Variants in COL27A1 observed in about 807,000 individuals in gnomAD.
The protein encoded by COL27A1 is collagen alpha-1(XXVII) chain.
A neutral mutation model predicts 251.3 loss-of-function variants in COL27A1; 106 were observed. The ratio of observed to expected loss-of-function variants is 0.42; its 90% CI spans 0.36 to 0.50. The LOEUF (loss-of-function observed/expected upper bound fraction) is 0.50. COL27A1 is among the 20% of genes least tolerant of loss of function. COL27A1 has a pLI of 0.00. For synonymous variants in COL27A1, 1,000 were observed against 986.3 expected (o/e 1.01, Z -0.26); for missense variants, 2,325 against 2,522.8 (o/e 0.92, Z 1.68).
chr9:114,205,795 G>A lies in COL27A1; in HGVS notation c.2206G>A (p.Gly736Ser). 2.5e-6 allele frequency: 4 copies of A among 1,613,640 alleles called. No individual in the cohort carries two copies. Among genetic ancestry groups the A allele is most frequent in the Non-Finnish European group, 3.4e-6 (4 of 1,179,788 alleles). ...PGPEGSPGAK[G>S]YPGRQGLPGP... is the part of the protein sequence containing the mutation. ...ACCTGAGGGCAGCCCAGGGGCCAAA[G>A]GTTACCCTGGCAGGCAGGTGCAGTA... The change falls in exon 9 of 61, where the codon GGT becomes AGT. Residue 736 changes from glycine (G) to serine (S), a missense_variant. Transcript: ENST00000356083.
chr9:114,154,727 G>C (rs143601047), upstream of COL27A1, among the ~76,000 whole-genome samples: 2 of 152,146 alleles, frequency 1.3e-5, no homozygotes, highest in Non-Finnish European at 2.9e-5. The surrounding 1 kb of genome is among the most constrained non-coding windows in gnomAD (Gnocchi z 5.8). Flanking sequence ...TCCCAGAATG[G>C]GACCGTGTGT....
chr9:114,256,035 A>G (rs1216683192), intron 27 of COL27A1, among the ~76,000 whole-genome samples: 2 of 152,198 alleles, frequency 1.3e-5, no homozygotes, highest in African/African-American at 4.8e-5. Flanking sequence ...ATGAATGGTG[A>G]TAACTATTTG....
chr9:114,272,625 A>G (rs1835223269), intron 36 of COL27A1: 1 of 152,228 alleles, frequency 6.6e-6, no homozygotes, highest in South Asian at 2.1e-4. Context: ...GACAGTGATG[A>G]TGGTGGTGGT....
chr9:114,208,968 T>C (rs1057367070), intron 10 of COL27A1, among the ~76,000 whole-genome samples: 3 of 151,994 alleles, frequency 2.0e-5, no homozygotes, highest in Admixed American at 6.5e-5. Flanking sequence ...AGCCCCAGAA[T>C]GGTGACGAGC....
chr9:114,170,521 C>T (rs184738893), intron 3 of COL27A1, among the ~76,000 whole-genome samples: 149 of 152,314 alleles, frequency 9.8e-4, no homozygotes, highest in Admixed American at 2.5e-3. Flanking sequence ...GGGCTCCCTA[C>T]AATGTGGAGA....
At chr9:114,260,962 A>T (rs1378089820) in intron 28 of COL27A1, among the ~76,000 whole-genome samples, 1 of 152,086 alleles carries the variant, frequency 6.6e-6, no homozygotes, top group East Asian at 1.9e-4. Context: ...AGCTTAGCAG[A>T]CCTTACCCAA....
chr9:114,292,331 C>T, intron 49 of COL27A1, 121 bp downstream of exon 49: 1 of 772,176 alleles, frequency 1.3e-6, no homozygotes, highest in Non-Finnish European at 2.1e-6. Flanking sequence ...ACCCAGAAGC[C>T]ACCTCCTTGC....
Position 114,245,724 on chromosome 9 carries a change from G to T in COL27A1, c.2935-142G>T, listed in dbSNP as rs552796472. 4.7e-5 allele frequency: 36 copies of T among 772,686 alleles called. No homozygotes were observed. In the African/African-American group the frequency reaches 6.1e-4, roughly 13 times the overall value. 47.9% of individuals were successfully genotyped at this position (772,686 alleles called of 1,614,324 possible). A position where few individuals can be genotyped will look rare whatever the true frequency, so the allele number is the denominator to read the frequency against. On this transcript the variant is annotated intron_variant, in intron 23 of 60. Coordinates refer to ENST00000356083, the MANE Select transcript of COL27A1 (RefSeq NM_032888.4). Reference sequence around the variant, plus strand: ...CTTTGACTCTGCCCATTTGTTGGGGGTCTCCAAGGCCACACACTGGAGATA... The same window carrying T: ...CTTTGACTCTGCCCATTTGTTGGGGTTCTCCAAGGCCACACACTGGAGATA...
At chr9:114,306,715 G>A in intron 58 of COL27A1, 27 bp downstream of exon 58, 1 of 1,606,508 alleles carries the variant, frequency 6.2e-7, no homozygotes, top group East Asian at 2.2e-5. Flanking sequence ...CCGGGGGTGG[G>A]TGCGCCTGGC....
intron 28 of COL27A1, among the ~76,000 whole-genome samples, chr9:114,260,177 T>A (rs1260221379): frequency 1.3e-5 from 2 of 152,192 alleles, no homozygotes; most frequent in Non-Finnish European, 2.9e-5. Context: ...TGGGCTCCCT[T>A]CAACCATCTC....
chr9:114,167,007 C>T (rs1261936637), intron 2 of COL27A1, among the ~76,000 whole-genome samples: 1 of 152,066 alleles, frequency 6.6e-6, no homozygotes, highest in African/African-American at 2.4e-5. Flanking sequence ...CTAGAGACAC[C>T]TCGGGAGTGG....
chr9:114,290,111 G>A lies in COL27A1; in HGVS notation c.4260G>A (p.Gln1420=), dbSNP rs778859054. The A allele has an allele frequency of 3.1e-6, 5 of 1,611,736 alleles. No homozygotes were observed. In the Admixed American group the frequency reaches 6.7e-5, roughly 21 times the overall value. Residue 1420 remains glutamine, a splice_region_variant and synonymous_variant, in exon 46 of 61, where the codon CAG becomes CAA. Transcript: ENST00000356083. The surrounding 1 kb of genome is among the most constrained non-coding windows in gnomAD (Gnocchi z 4.6). The part of the protein sequence containing the change: ...KAGAPGRRGV[Q]GLQGLPGPRG... ...GGGCCCCAGGCCGGAGGGGGGTCCA[G>A]GTGAGTGACTACAGCTGCTGTTTCC...
intron 12 of COL27A1, chr9:114,218,514 G>A (rs1830860769): frequency 1.3e-5 from 2 of 152,206 alleles, no homozygotes; most frequent in Non-Finnish European, 2.9e-5. Context: ...TCTGTGAAAT[G>A]GGACTGATAA....
chr9:114,285,491 C>T (rs1279916317), intron 41 of COL27A1, among the ~76,000 whole-genome samples: 1 of 152,164 alleles, frequency 6.6e-6, no homozygotes, highest in Non-Finnish European at 1.5e-5. Flanking sequence ...GTCTTTCCTC[C>T]TCCTCCCCTC....
chr9:114,233,615 T>C (rs1217904713), intron 16 of COL27A1, among the ~76,000 whole-genome samples: 1 of 152,042 alleles, frequency 6.6e-6, no homozygotes, highest in African/African-American at 2.4e-5. Flanking sequence ...CTGGGGAAAA[T>C]GAGAGTGTAG....
chr9:114,170,427 C>T (rs1177205888), intron 3 of COL27A1, among the ~76,000 whole-genome samples: 6 of 152,108 alleles, frequency 3.9e-5, no homozygotes, highest in East Asian at 1.9e-4. Context: ...TCTGTTCTCC[C>T]GCCTTGGAGA....
chr9:114,162,384 A>C (rs2808795), intron 1 of COL27A1, among the ~76,000 whole-genome samples: 48,871 of 152,176 alleles, frequency 0.32, 8,404 homozygotes, highest in Middle Eastern at 0.49. Context: ...AGTCAGCATC[A>C]GATTTTGAGC....
At chr9:114,281,141 C>A (rs74578450) in intron 37 of COL27A1, among the ~76,000 whole-genome samples, 2,494 of 152,316 alleles carry the variant, frequency 0.016, 69 homozygotes, top group African/African-American at 0.056. Flanking sequence ...AGAGGGATTA[C>A]ATCAAAGCAG....
At chr9:114,297,180 T>C (rs925560507) in intron 49 of COL27A1, among the ~76,000 whole-genome samples, 18 of 152,220 alleles carry the variant, frequency 1.2e-4, no homozygotes, top group Non-Finnish European at 1.0e-4. Context: ...AATCAGATTA[T>C]ACAATTTAAA....
Sources: allele counts gnomAD v4.1 joint callset (sites outside exome capture counted in the v4.1 genomes callset), GRCh38; gene constraint gnomAD v4.1.1; non-coding constraint Gnocchi (gnomAD v3.1); transcripts MANE v1.5; gene names NCBI Gene and HGNC (gene_info 2026-07-23, HGNC 2026-07-21).